The following PCLO variants were observed in gnomAD, a reference collection of about 807,000 sequenced individuals.
PCLO encodes the protein piccolo presynaptic cytomatrix protein.
A neutral mutation model predicts 427.5 loss-of-function variants in PCLO; 82 were observed. The observed-to-expected ratio is 0.19, with a 90% CI of 0.16 to 0.23. PCLO has a LOEUF of 0.23. Among genes scored for constraint, PCLO ranks in the 10% least tolerant of loss-of-function variants. PCLO has a pLI of 1.00. For missense variants in PCLO, 6,239 were observed against 6,115.9 expected (o/e 1.02, Z -0.67); for synonymous variants, 2,357 against 2,155.4 (o/e 1.09, Z -2.59).
At chr7:83,109,318 T>G (rs1790944824) in intron 3 of PCLO, among the ~76,000 whole-genome samples, 1 of 152,168 alleles carries the variant, frequency 6.6e-6, no homozygotes, top group South Asian at 2.1e-4. Flanking sequence ...TACTTTCATC[T>G]TAGACTGATT....
At chr7:83,131,406 A>G (rs67705837) in intron 3 of PCLO, among the ~76,000 whole-genome samples, 26,568 of 151,904 alleles carry the variant, frequency 0.17, 3,518 homozygotes, top group African/African-American at 0.37. Flanking sequence ...TGATTAATGA[A>G]GGAGAAAGAG....
At chr7:83,040,803 C>T (rs1191311333) in intron 3 of PCLO, among the ~76,000 whole-genome samples, 1 of 152,234 alleles carries the variant, frequency 6.6e-6, no homozygotes, top group Non-Finnish European at 1.5e-5. Flanking sequence ...CCCCCGCAGG[C>T]AAAATCTCTG....
intron 9 of PCLO, among the ~76,000 whole-genome samples, chr7:82,900,305 T>C (rs1794006826): frequency 6.6e-6 from 1 of 151,558 alleles, no homozygotes; most frequent in Non-Finnish European, 1.5e-5. Context: ...GCAATTACAC[T>C]AAAGAAATAC....
intron 3 of PCLO, among the ~76,000 whole-genome samples, chr7:83,009,412 T>A (rs113626531): frequency 2.3e-3 from 354 of 151,958 alleles, no homozygotes; most frequent in Non-Finnish European, 3.6e-3. Context: ...ATTTAGCCCA[T>A]CTGTGCCAAA....
chr7:83,146,720 A>C (rs1377087348), intron 2 of PCLO, among the ~76,000 whole-genome samples: 3 of 151,506 alleles, frequency 2.0e-5, no homozygotes, highest in Non-Finnish European at 4.4e-5. Flanking sequence ...CCTCACTCAG[A>C]CTCCAGAGTA....
chr7:82,915,373 G>A lies in PCLO; in HGVS notation c.12613C>T (p.Pro4205Ser). The change falls in exon 7 of 25, where the codon CCT becomes TCT. Residue 4205 changes from proline to serine, a missense_variant. Pro to Ser is a moderately conservative substitution (Grantham distance 74). This residue lies in a region of PCLO where 680 missense variants were observed against 677.3 expected (regional missense o/e 1.00). Coordinates refer to ENST00000333891, the MANE Select transcript of PCLO (RefSeq NM_033026.6). ...TCAAGGTCTCTACTTTCTTGAATAG[G>A]TGAAAATTTTGACATTTTAGGGTCA... Reference protein sequence around the residue: ...LIDPKMSKFSPIQESRDLEPD... With the variant: ...LIDPKMSKFSSIQESRDLEPD... 6.2e-7 allele frequency: 1 copy of A among 1,613,462 alleles called. No individual in the cohort carries two copies. Among genetic ancestry groups the A allele is most frequent in the Non-Finnish European group, 8.5e-7 (1 of 1,179,662 alleles).
chr7:82,814,462 A>G (rs941107936), intron 20 of PCLO, among the ~76,000 whole-genome samples: 1 of 151,112 alleles, frequency 6.6e-6, no homozygotes, highest in Non-Finnish European at 1.5e-5. Context: ...AAGCTTAAAT[A>G]TATTTAAACA....
intron 3 of PCLO, among the ~76,000 whole-genome samples, chr7:82,978,857 AACACACACACACACAC>A (rs66871387): frequency 3.6e-5 from 5 of 138,682 alleles, no homozygotes; most frequent in Non-Finnish European, 6.2e-5. Flanking sequence ...CACACACACA[AACACACACACACACAC>A]ACACACACAC....
In PCLO at chr7:82,824,985, T is replaced by C. The variant is rs1791899424; in HGVS notation, c.14416-569A>G. ...AAATAAACAAACAAACAAAAACTCA[T>C]AACTTATTTTAATCTTAAACTGGAC... On this transcript the variant is annotated intron_variant, in intron 18 of 24. Transcript: ENST00000333891. Among the ~76,000 whole-genome samples the C allele has an allele frequency of 4.0e-5, 6 of 151,834 alleles. No homozygotes were observed. The South Asian group carries it at 1.2e-3, about 32-fold the overall frequency.
intron 22 of PCLO, among the ~76,000 whole-genome samples, chr7:82,789,236 C>T (rs1369301920): frequency 1.3e-5 from 2 of 152,028 alleles, no homozygotes; most frequent in Admixed American, 1.3e-4. Context: ...TGAGCAACAG[C>T]TCATATTAAT....
At chr7:82,871,065 C>A (rs1002959488) in intron 10 of PCLO, among the ~76,000 whole-genome samples, 3 of 151,872 alleles carry the variant, frequency 2.0e-5, no homozygotes, top group East Asian at 1.9e-4. Context: ...CCTCAAAAAA[C>A]CAAAAATAGA....
chr7:83,100,118 T>A (rs1241743905), intron 3 of PCLO, among the ~76,000 whole-genome samples: 6 of 152,172 alleles, frequency 3.9e-5, no homozygotes. Flanking sequence ...ACAATGTTGC[T>A]CAATTAAAAA....
chr7:82,941,400 A>G (rs1795082359), intron 6 of PCLO, among the ~76,000 whole-genome samples: 1 of 152,324 alleles, frequency 6.6e-6, no homozygotes, highest in South Asian at 2.1e-4. Flanking sequence ...CACATAATTC[A>G]CAATACATAA....
intron 3 of PCLO, among the ~76,000 whole-genome samples, chr7:83,024,280 T>C (rs1192219700): frequency 5.9e-5 from 9 of 152,122 alleles, no homozygotes; most frequent in South Asian, 2.1e-4. Flanking sequence ...GGGTGAGGCA[T>C]TGCCTCACTC....
intron 7 of PCLO, among the ~76,000 whole-genome samples, chr7:82,912,902 C>A (rs1794357367): frequency 6.6e-6 from 1 of 151,992 alleles, no homozygotes; most frequent in Non-Finnish European, 1.5e-5. Context: ...AATCTTAAGG[C>A]ATTTCGTTAT....
chr7:82,995,454 G>C (rs1257143179), intron 3 of PCLO, among the ~76,000 whole-genome samples: 1 of 151,954 alleles, frequency 6.6e-6, no homozygotes, highest in Non-Finnish European at 1.5e-5. Flanking sequence ...ATAAATTGGT[G>C]TAAGAAAGTG....
At chr7:82,814,245 G>T (rs934237028) in intron 20 of PCLO, among the ~76,000 whole-genome samples, 5 of 151,586 alleles carry the variant, frequency 3.3e-5, no homozygotes, top group African/African-American at 1.2e-4. Flanking sequence ...AATGTCATTT[G>T]TCAATCTTAA....
chr7:82,948,622 T>C (rs140889827), intron 6 of PCLO, among the ~76,000 whole-genome samples: 3 of 152,304 alleles, frequency 2.0e-5, no homozygotes, highest in Admixed American at 2.0e-4. Context: ...TAGTTATGTA[T>C]ATTAGATTTT....
rs538606126 is a variant in PCLO, at chr7:83,031,397, C to G, written c.3301-64910G>C. Among the ~76,000 whole-genome samples the G allele has an allele frequency of 2.0e-5, 3 of 152,234 alleles. No homozygotes were observed. The East Asian group carries it at 5.8e-4, about 29-fold the overall frequency. On this transcript the variant is annotated intron_variant, in intron 3 of 24. Coordinates refer to ENST00000333891, the MANE Select transcript of PCLO (RefSeq NM_033026.6). ...ATCTGGAGTCCATAAAAAATTATAT[C>G]AAATATCTTGGAATTTTTTATATTC... is the stretch of plus-strand genomic sequence containing the variant.
Sources: allele counts gnomAD v4.1 joint callset (sites outside exome capture counted in the v4.1 genomes callset), GRCh38; gene constraint gnomAD v4.1.1; regional missense constraint gnomAD v4.1.1; transcripts MANE v1.5; gene names NCBI Gene and HGNC (gene_info 2026-07-23, HGNC 2026-07-21).